Variants in SYT14 observed in about 807,000 individuals in gnomAD.
SYT14 encodes the protein synaptotagmin-14.
Under a neutral mutation model 74.2 loss-of-function variants are expected in SYT14, and 32 were observed. The observed-to-expected ratio is 0.43, with a 90% CI of 0.33 to 0.58. The LOEUF is 0.58. SYT14 is among the 20% of genes least tolerant of loss of function. The pLI is 0.05. For synonymous variants in SYT14, 298 were observed against 337.7 expected, an observed-to-expected ratio of 0.88 and a Z score of 1.29; for missense variants, 791 against 981.8, an observed-to-expected ratio of 0.81 and a Z score of 2.60.
exon 7 of SYT14, chr1:210,100,124 A>G (rs747954743): frequency 6.2e-6 from 10 of 1,614,138 alleles, no homozygotes; most frequent in Non-Finnish European, 8.5e-6. Context: ...CAAGAACAGA[A>G]GCTTCTGGTA....
intron 7 of SYT14, among the ~76,000 whole-genome samples, chr1:210,117,607 A>G (rs945007527): frequency 6.6e-6 from 1 of 152,186 alleles, no homozygotes; most frequent in African/African-American, 2.4e-5. Flanking sequence ...AGACCTATTT[A>G]CAGACAATTA....
Position 210,169,221 on chromosome 1 carries a change from G to GTTTTTT in SYT14, c.*8204_*8209dup, listed in dbSNP as rs35974726. The GTTTTTT allele has an allele frequency of 3.3e-3, 165 of 50,232 alleles. 1 individual carries two copies. The highest frequency in any genetic ancestry group is 3.9e-3 in the Non-Finnish European group (102 of 26,192). 3.1% of individuals were successfully genotyped at this position (50,232 alleles called of 1,614,324 possible). A position where few individuals can be genotyped will look rare whatever the true frequency, so the allele number is the denominator to read the frequency against. ...CTTTTTTGGTTTTTATGTTTTTGGTGTTTTTTTTTTTTTTTTTTTTTTTTT... is the reference window on the plus strand; with the variant it reads ...CTTTTTTGGTTTTTATGTTTTTGGTGTTTTTTTTTTTTTTTTTTTTTTTTTTTTTTT... On this transcript the variant is annotated 3_prime_UTR_variant, in exon 10 of 10. Coordinates refer to ENST00000637265, the Ensembl canonical transcript of SYT14.
chr1:210,021,809 G>T (rs547994332), intron 5 of SYT14, among the ~76,000 whole-genome samples: 2 of 152,234 alleles, frequency 1.3e-5, no homozygotes, highest in African/African-American at 4.8e-5. Flanking sequence ...GCAATTTAAG[G>T]TATTTTCAAG....
intron 3 of SYT14, among the ~76,000 whole-genome samples, chr1:210,015,389 C>T (rs923372355): frequency 2.0e-5 from 3 of 152,142 alleles, no homozygotes; most frequent in African/African-American, 7.2e-5. Flanking sequence ...TTTTCTTTCA[C>T]TTATTAAATA....
intron 7 of SYT14, among the ~76,000 whole-genome samples, chr1:210,153,164 T>C (rs534937445): frequency 1.3e-5 from 2 of 152,266 alleles, no homozygotes; most frequent in South Asian, 4.1e-4. Flanking sequence ...TATGTGTATT[T>C]ATAACATTTA....
At chr1:210,009,370 AC>A (rs1314688471) in intron 2 of SYT14, among the ~76,000 whole-genome samples, 1 of 152,216 alleles carries the variant, frequency 6.6e-6, no homozygotes, top group Non-Finnish European at 1.5e-5. Context: ...CTTCTCTACA[AC>A]CATACTACTG....
chr1:210,056,837 A>ATTATTTATTTATTCAT (rs2081107913), intron 5 of SYT14, among the ~76,000 whole-genome samples: 2 of 148,220 alleles, frequency 1.3e-5, no homozygotes, highest in South Asian at 4.3e-4. Context: ...TGTTACTATT[A>ATTATTTATTTATTCAT]TTATTTATTT....
At chr1:210,116,695 GAGAGAC>G (rs2082368275) in intron 7 of SYT14, among the ~76,000 whole-genome samples, 1 of 152,076 alleles carries the variant, frequency 6.6e-6, no homozygotes, top group Non-Finnish European at 1.5e-5. Flanking sequence ...ACTTGGAGAA[GAGAGAC>G]TGTTTTATTT....
At chr1:210,084,442 G>A (rs1384176995) in intron 5 of SYT14, among the ~76,000 whole-genome samples, 1 of 152,078 alleles carries the variant, frequency 6.6e-6, no homozygotes, top group Non-Finnish European at 1.5e-5. Context: ...TTTAGTTCTC[G>A]ATTCTGTCTC....
At chr1:210,151,504 G>GCC (rs140800804) in intron 7 of SYT14, among the ~76,000 whole-genome samples, 21,588 of 119,680 alleles carry the variant, frequency 0.18, 2,308 homozygotes, top group East Asian at 0.25. Flanking sequence ...ATAGGCGAAT[G>GCC]CCCCCCCCCT....
chr1:209,991,340 G>C (rs1209805094), intron 2 of SYT14, among the ~76,000 whole-genome samples: 3 of 152,132 alleles, frequency 2.0e-5, no homozygotes, highest in Admixed American at 2.0e-4. Flanking sequence ...ACAGTGAACA[G>C]ACAACCTGCA....
At chr1:209,955,140 C>T (rs1483205794) in intron 2 of SYT14, among the ~76,000 whole-genome samples, 2 of 152,172 alleles carry the variant, frequency 1.3e-5, no homozygotes, top group Admixed American at 1.3e-4. Flanking sequence ...ATCTTTTACT[C>T]TGTTTGATTT....
chr1:210,015,841 A>G (rs1350866466), exon 4 of SYT14: 4 of 1,202,042 alleles, frequency 3.3e-6, no homozygotes, highest in Non-Finnish European at 3.1e-6. Context: ...CTTTCAATGC[A>G]TAATGTATTT....
At chr1:209,979,250 C>T (rs139397838) in intron 2 of SYT14, among the ~76,000 whole-genome samples, 3,640 of 152,228 alleles carry the variant, frequency 0.024, 59 homozygotes, top group Non-Finnish European at 0.04. Flanking sequence ...GAGATGAGCC[C>T]GGTACCTCAG....
chr1:210,102,027 T>C (rs1423935093), intron 7 of SYT14, among the ~76,000 whole-genome samples: 1 of 152,216 alleles, frequency 6.6e-6, no homozygotes, highest in East Asian at 1.9e-4. Context: ...TGTAATCTTT[T>C]TCTGCCAACC....
rs555916776 is a variant in SYT14 at position 210,051,268 on chromosome 1, C to T, written c.1312+30014C>T. On this transcript the variant is annotated intron_variant, in intron 5 of 9. Coordinates refer to ENST00000637265, the Ensembl canonical transcript of SYT14. ...ACATAAAATTCAAGAATTTTGGTTG[C>T]GTAATGTTTGTCCTCAGAATATATC... is the stretch of plus-strand genomic sequence containing the variant. Among the ~76,000 whole-genome samples the T allele has an allele frequency of 2.6e-5, 4 of 152,228 alleles. No individual in the cohort carries two copies. In the South Asian group the frequency reaches 6.2e-4, roughly 24 times the overall value.
At chr1:210,029,448 A>G (rs2080481936) in intron 5 of SYT14, among the ~76,000 whole-genome samples, 1 of 152,096 alleles carries the variant, frequency 6.6e-6, no homozygotes. Flanking sequence ...TTTATATACG[A>G]TATTCGGCAA....
chr1:209,987,492 C>T (rs1417552100), intron 2 of SYT14, among the ~76,000 whole-genome samples: 1 of 152,152 alleles, frequency 6.6e-6, no homozygotes, highest in African/African-American at 2.4e-5. Flanking sequence ...GGGTGAGGTG[C>T]TACACACTTA....
chr1:209,992,221 C>G (rs1287670076), intron 2 of SYT14, among the ~76,000 whole-genome samples: 2 of 152,102 alleles, frequency 1.3e-5, no homozygotes. Context: ...TCATAGCTCA[C>G]TCATCCTTGA....
Sources: gnomAD v4.1 joint callset for allele counts (sites outside exome capture counted in the v4.1 genomes callset) on GRCh38, gnomAD v4.1.1 for gene constraint, MANE v1.5 for transcripts, NCBI Gene and HGNC (gene_info 2026-07-23, HGNC 2026-07-21) for gene names.